OPRM1: variants seen among roughly 807,000 people sequenced by gnomAD.
OPRM1 encodes opioid receptor mu 1, also known as mu-type opioid receptor.
OPRM1 carries 27 observed loss-of-function variants against 31.8 expected under a neutral mutation model. The observed-to-expected ratio is 0.85, with a 90% CI of 0.63 to 1.17. The LOEUF (loss-of-function observed/expected upper bound fraction) is 1.17. Among genes scored for constraint, OPRM1 ranks in the 50% most tolerant of loss-of-function variants. The probability of loss-of-function intolerance (pLI) is 0.00; values close to 1 mark genes in which losing one functional copy is unlikely to be tolerated. For missense variants in OPRM1, 536 were observed against 511.1 expected (o/e 1.05, Z -0.47); for synonymous variants, 196 against 189.9 (o/e 1.03, Z -0.26).
chr6:154,244,241 TG>T (rs1780834538), intron 3 of OPRM1, among the ~76,000 whole-genome samples: 1 of 152,042 alleles, frequency 6.6e-6, no homozygotes. Context: ...AAGCATTCAT[TG>T]AGTAGCCTTT....
chr6:154,056,096 G>A (rs576040554), intron 1 of OPRM1, among the ~76,000 whole-genome samples: 13 of 145,516 alleles, frequency 8.9e-5, no homozygotes, highest in Non-Finnish European at 2.0e-4. Context: ...AAATGATGGA[G>A]CTCTTTTCTT....
chr6:154,149,624 G>A (rs191182139), intron 3 of OPRM1, among the ~76,000 whole-genome samples: 62 of 150,178 alleles, frequency 4.1e-4, no homozygotes, highest in African/African-American at 1.1e-3. Flanking sequence ...GTGTGTGCGC[G>A]CGTGTGTGTG....
chr6:154,170,001 C>A (rs919553598), intron 3 of OPRM1, among the ~76,000 whole-genome samples: 3 of 152,142 alleles, frequency 2.0e-5, no homozygotes, highest in Non-Finnish European at 4.4e-5. Flanking sequence ...CTTGATGATA[C>A]CGTTGGAGCC....
chr6:154,071,032 A>G (rs1398698217), intron 1 of OPRM1, among the ~76,000 whole-genome samples: 1 of 152,202 alleles, frequency 6.6e-6, no homozygotes, highest in Non-Finnish European at 1.5e-5. Flanking sequence ...TATTGAAAAT[A>G]CTCACTGTAA....
intron 3 of OPRM1, among the ~76,000 whole-genome samples, chr6:154,220,328 A>G (rs1387124538): frequency 1.3e-5 from 2 of 152,198 alleles, no homozygotes; most frequent in African/African-American, 4.8e-5. Context: ...GCCCTCTGAT[A>G]TCTCCAATCA....
chr6:154,095,706 T>C (rs1387436936), intron 3 of OPRM1, among the ~76,000 whole-genome samples: 1 of 152,196 alleles, frequency 6.6e-6, no homozygotes, highest in Non-Finnish European at 1.5e-5. Context: ...CTCGTGTTTT[T>C]TTTGTGCATG....
chr6:154,228,219 G>A (rs11753552), intron 3 of OPRM1, among the ~76,000 whole-genome samples: 2,674 of 151,632 alleles, frequency 0.018, 36 homozygotes, highest in Middle Eastern at 0.071. Context: ...TAATCCCAGC[G>A]CTTTGGGAGG....
At chr6:154,076,093 T>C (rs113653676) in intron 1 of OPRM1, among the ~76,000 whole-genome samples, 131 of 152,382 alleles carry the variant, frequency 8.6e-4, no homozygotes, top group African/African-American at 3.0e-3. Context: ...TTTTCCTGTA[T>C]TGTGTATTTA....
intron 1 of OPRM1, among the ~76,000 whole-genome samples, chr6:154,021,492 A>G (rs1300923213): frequency 6.6e-6 from 1 of 152,138 alleles, no homozygotes; most frequent in African/African-American, 2.4e-5. Flanking sequence ...GATATTCAGG[A>G]AATTATTTCT....
intron 1 of OPRM1, among the ~76,000 whole-genome samples, chr6:154,085,714 C>T (rs1406500812): frequency 1.3e-5 from 2 of 152,136 alleles, no homozygotes; most frequent in Non-Finnish European, 2.9e-5. Flanking sequence ...CTCGGACCCA[C>T]TCAGGTAAAC....
At chr6:154,175,681 T>G (rs1800261551) in intron 3 of OPRM1, among the ~76,000 whole-genome samples, 1 of 152,072 alleles carries the variant, frequency 6.6e-6, no homozygotes, top group African/African-American at 2.4e-5. Context: ...CAATAATTAA[T>G]AGCCTACCAA....
chr6:154,038,611 G>A (rs139430909), upstream of OPRM1, among the ~76,000 whole-genome samples: 60 of 152,206 alleles, frequency 3.9e-4, no homozygotes, highest in African/African-American at 1.3e-3. Flanking sequence ...ATTCCAAACA[G>A]GTCTATGAGA....
At chr6:154,077,875 CT>C (rs555499486) in intron 1 of OPRM1, among the ~76,000 whole-genome samples, 3,214 of 145,874 alleles carry the variant, frequency 0.022, 107 homozygotes, top group African/African-American at 0.069. Context: ...ACCCCATCTA[CT>C]TTTTTTTTTT....
intron 3 of OPRM1, among the ~76,000 whole-genome samples, chr6:154,163,088 A>C (rs1199019752): frequency 2.0e-5 from 3 of 152,258 alleles, no homozygotes; most frequent in South Asian, 4.1e-4. Context: ...GACATGACAC[A>C]AAGCATGCCA....
chr6:154,124,033 G>A lies in OPRM1; in HGVS notation c.*5312G>A, dbSNP rs989814167. 3.9e-5 allele frequency among the ~76,000 whole-genome samples: 6 copies of A among 152,074 alleles called. No individual in the cohort carries two copies. The highest frequency in any genetic ancestry group is 9.7e-5 in the African/African-American group (4 of 41,418). ...CCCAGCCTCTATTCAAGATGGAGTC[G>A]CTCTGGTTCAAACACCTCTGACACT... On this transcript the variant is annotated 3_prime_UTR_variant, in exon 4 of 4. Coordinates refer to ENST00000330432, the MANE Select transcript of OPRM1 (RefSeq NM_000914.5).
chr6:154,096,709 C>G (rs1369547762), intron 3 of OPRM1, among the ~76,000 whole-genome samples: 1 of 152,108 alleles, frequency 6.6e-6, no homozygotes, highest in Non-Finnish European at 1.5e-5. Flanking sequence ...TAAGATCAAA[C>G]AGCCAGGAAG....
At chr6:154,185,573 G>T (rs1487522976) in intron 3 of OPRM1, among the ~76,000 whole-genome samples, 1 of 152,084 alleles carries the variant, frequency 6.6e-6, no homozygotes, top group Non-Finnish European at 1.5e-5. Flanking sequence ...ATTTGGCTTT[G>T]ATTTTAACAC....
At chr6:154,239,481 G>T (rs966872553) in intron 3 of OPRM1, among the ~76,000 whole-genome samples, 5 of 152,136 alleles carry the variant, frequency 3.3e-5, no homozygotes, top group African/African-American at 1.2e-4. Flanking sequence ...CTAACATTTA[G>T]GTTTCCAAAT....
chr6:154,071,310 A>G (rs1038128508), intron 1 of OPRM1, among the ~76,000 whole-genome samples: 4 of 152,200 alleles, frequency 2.6e-5, no homozygotes, highest in African/African-American at 9.6e-5. Context: ...TGCCTGCTAC[A>G]GATAGATGCT....
Sources: gnomAD v4.1 joint callset for allele counts (sites outside exome capture counted in the v4.1 genomes callset) on GRCh38, gnomAD v4.1.1 for gene constraint, MANE v1.5 for transcripts, NCBI Gene and HGNC (gene_info 2026-07-23, HGNC 2026-07-21) for gene names.